TM2D3: variants seen among roughly 807,000 people sequenced by gnomAD.
TM2D3 encodes the protein TM2 domain-containing protein 3.
Under a neutral mutation model 27.3 loss-of-function variants are expected in TM2D3, and 33 were observed. The observed-to-expected ratio is 1.21, with a 90% CI of 0.92 to 1.61. TM2D3 has a LOEUF of 1.61. TM2D3 is among the 40% of genes most tolerant of loss of function. The pLI is 0.00. For missense variants in TM2D3, 364 were observed against 320.8 expected (o/e 1.13, Z -1.03); for synonymous variants, 138 against 122.2 (o/e 1.13, Z -0.85).
intron 5 of TM2D3, 74 bp downstream of exon 5, chr15:101,645,013 C>T: frequency 7.7e-7 from 1 of 1,293,068 alleles, no homozygotes; most frequent in Non-Finnish European, 1.1e-6. Context: ...GGGGACTGAG[C>T]TCAATGTCTG....
chr15:101,641,174 A>T (rs2141360001), downstream of TM2D3, among the ~76,000 whole-genome samples: 1 of 152,338 alleles, frequency 6.6e-6, no homozygotes, highest in Non-Finnish European at 1.5e-5. Context: ...AGTTTAACGG[A>T]TACAAAAAGT....
chr15:101,639,415 T>C (rs367732394), downstream of TM2D3, among the ~76,000 whole-genome samples: 2 of 152,092 alleles, frequency 1.3e-5, no homozygotes, highest in South Asian at 2.1e-4. Flanking sequence ...ATTCTACTTA[T>C]GTAGTGCCTT....
chr15:101,633,678 C>A, exon 5 of TM2D3: 1 of 1,533,134 alleles, frequency 6.5e-7, no homozygotes, highest in South Asian at 1.2e-5. Context: ...AGGGTGATGT[C>A]AATGAAGTCC....
At chr15:101,645,209 T>C in intron 4 of TM2D3, 47 bp from the exon 5 acceptor site, 1 of 1,462,346 alleles carries the variant, frequency 6.8e-7, no homozygotes, top group Admixed American at 2.2e-5. Context: ...AAAAATACTC[T>C]CAGAAAGACT....
At position 101,643,858 on chromosome 15, in the gene TM2D3, C is replaced by CT. The variant is rs762147806; in HGVS notation, c.579-1215dup. ...ACCATTGTCAGCAATGGTTACTAAT[C>CT]TTTTTTTTTGAGACAGAATCTCACT... On this transcript the variant is annotated intron_variant, in intron 5 of 5. Transcript: ENST00000333202. Among the ~76,000 whole-genome samples, 912 of 151,206 alleles carry CT rather than the reference C, an allele frequency of 6.0e-3. 2 individuals carry two copies. The highest frequency in any genetic ancestry group is 0.019 in the African/African-American group (775 of 41,222).
chr15:101,634,259 C>T (rs1896508545), intron 4 of TM2D3: 1 of 152,438 alleles, frequency 6.6e-6, no homozygotes, highest in Non-Finnish European at 1.5e-5. Context: ...CATGGCAAAA[C>T]ACCGTCTCTA....
intron 3 of TM2D3, among the ~76,000 whole-genome samples, chr15:101,649,293 T>C (rs185820812): frequency 6.6e-6 from 1 of 152,318 alleles, no homozygotes; most frequent in Non-Finnish European, 1.5e-5. Flanking sequence ...GCCATGTCTT[T>C]TGCCTTTATG....
intron 3 of TM2D3, among the ~76,000 whole-genome samples, chr15:101,648,646 C>G (rs1385176067): frequency 1.3e-5 from 2 of 152,172 alleles, no homozygotes; most frequent in Non-Finnish European, 2.9e-5. Context: ...ATTTATGTCA[C>G]CTACATTTAA....
intron 3 of TM2D3, 55 bp from the exon 4 acceptor site, chr15:101,646,954 TGTCA>T (rs1158390032): frequency 1.1e-5 from 17 of 1,595,970 alleles, no homozygotes; most frequent in African/African-American, 1.3e-5. Context: ...TCTGTTAAGA[TGTCA>T]GTAAGACTAC....
chr15:101,651,409 C>T (rs901314592), intron 2 of TM2D3: 5 of 357,506 alleles, frequency 1.4e-5, no homozygotes, highest in Admixed American at 1.4e-4. Flanking sequence ...GAAAGAAGCA[C>T]GGACTGAAGG....
At chr15:101,640,490 GA>G (rs564119241), downstream of TM2D3, among the ~76,000 whole-genome samples, 51 of 152,310 alleles carry the variant, frequency 3.3e-4, 1 homozygote, top group East Asian at 9.7e-3. Context: ...TAGCAATCCT[GA>G]AAATCTAAGA....
At chr15:101,646,959 G>T in intron 3 of TM2D3, 60 bp from the exon 4 acceptor site, 1 of 1,580,170 alleles carries the variant, frequency 6.3e-7, no homozygotes, top group South Asian at 1.1e-5. Flanking sequence ...TAAGATGTCA[G>T]TAAGACTACA....
intron 4 of TM2D3, chr15:101,636,359 G>GC (rs1896550266): frequency 1.3e-5 from 2 of 152,206 alleles, no homozygotes; most frequent in Admixed American, 6.5e-5. Flanking sequence ...ACCCAAAGAT[G>GC]CTGGGGTCAA....
At chr15:101,644,166 C>T (rs568086917) in intron 5 of TM2D3, among the ~76,000 whole-genome samples, 52 of 152,228 alleles carry the variant, frequency 3.4e-4, no homozygotes, top group Non-Finnish European at 6.3e-4. Flanking sequence ...TTGTTAGTCT[C>T]ATTTTCTATC....
In TM2D3 at chr15:101,651,774, C is replaced by G; in HGVS notation, c.92-1G>C. ...GACTGAGCCAGCGCCTGCGATTGCT[C>G]TAAATTTAAGGATCGTACAATTAGA... On this transcript the variant is annotated splice_acceptor_variant, in intron 1 of 5. Transcript: ENST00000333202. LOFTEE classifies it high-confidence loss of function. 6.2e-7 allele frequency: 1 copy of G among 1,614,120 alleles called. No homozygotes were observed. Among genetic ancestry groups the G allele is most frequent in the Non-Finnish European group, 8.5e-7 (1 of 1,179,994 alleles).
chr15:101,651,564 A>C (rs1184133114), intron 2 of TM2D3, 132 bp downstream of exon 2: 1 of 909,980 alleles, frequency 1.1e-6, no homozygotes, highest in Non-Finnish European at 1.7e-6. Flanking sequence ...CCCTTAATTC[A>C]CATAATCTAA....
chr15:101,633,639 C>G (rs1483663732), exon 5 of TM2D3: 4 of 1,512,308 alleles, frequency 2.6e-6, no homozygotes, highest in Admixed American at 2.0e-5. Context: ...TGCTCTTCTT[C>G]TCACGCTCCT....
At chr15:101,641,526 G>A (rs1337684162), downstream of TM2D3, among the ~76,000 whole-genome samples, 1 of 152,156 alleles carries the variant, frequency 6.6e-6, no homozygotes, top group Non-Finnish European at 1.5e-5. Flanking sequence ...CAGTCTTCTG[G>A]ATAATACACA....
At chr15:101,649,744 C>G (rs1447778986) in intron 3 of TM2D3, among the ~76,000 whole-genome samples, 1 of 152,180 alleles carries the variant, frequency 6.6e-6, no homozygotes, top group Non-Finnish European at 1.5e-5. Context: ...TCCAGTCCTA[C>G]AAAGCAACAT....
Sources: allele counts gnomAD v4.1 joint callset (sites outside exome capture counted in the v4.1 genomes callset), GRCh38; gene constraint gnomAD v4.1.1; transcripts MANE v1.5; gene names NCBI Gene and HGNC (gene_info 2026-07-23, HGNC 2026-07-21).